The following DSCAML1 variants were observed in gnomAD, a reference collection of about 807,000 sequenced individuals.
DSCAML1 encodes DS cell adhesion molecule like 1, also known as cell adhesion molecule DSCAML1.
Under a neutral mutation model 200.5 loss-of-function variants are expected in DSCAML1, and 38 were observed. That is an observed-to-expected ratio of 0.19 (90% CI 0.15 to 0.25). The LOEUF is 0.25. DSCAML1 is among the 10% of genes least tolerant of loss of function. DSCAML1 has a pLI of 1.00. For missense variants in DSCAML1, 2,223 were observed against 2,858.8 expected (o/e 0.78, Z 5.07); for synonymous variants, 1,215 against 1,165.0 (o/e 1.04, Z -0.87).
At chr11:117,667,198 G>A (rs188337199) in intron 3 of DSCAML1, among the ~76,000 whole-genome samples, 6 of 152,328 alleles carry the variant, frequency 3.9e-5, no homozygotes, top group Admixed American at 3.9e-4. Context: ...GATCACTTGA[G>A]GTCAGGAGTT....
chr11:117,508,327 A>T (rs2049546491), intron 8 of DSCAML1, among the ~76,000 whole-genome samples: 1 of 152,118 alleles, frequency 6.6e-6, no homozygotes, highest in Non-Finnish European at 1.5e-5. Flanking sequence ...CTGTCGGGGT[A>T]ACTGCATTAC....
At chr11:117,451,046 A>G (rs2048272538) in intron 19 of DSCAML1, among the ~76,000 whole-genome samples, 1 of 152,160 alleles carries the variant, frequency 6.6e-6, no homozygotes, top group Admixed American at 6.5e-5. Flanking sequence ...ACTAACTGTA[A>G]GCATGTATTT....
At chr11:117,451,620 T>C (rs2048285285) in intron 19 of DSCAML1, among the ~76,000 whole-genome samples, 1 of 152,076 alleles carries the variant, frequency 6.6e-6, no homozygotes, top group African/African-American at 2.4e-5. Flanking sequence ...GGTCAGGAGT[T>C]TGAGACCAGC....
chr11:117,791,945 G>GGGGC (rs1208770282), intron 1 of DSCAML1, among the ~76,000 whole-genome samples: 1 of 152,196 alleles, frequency 6.6e-6, no homozygotes, highest in Non-Finnish European at 1.5e-5. Context: ...TGGAGAAAGT[G>GGGGC]GGGCTCAGAG....
At position 117,505,083 on chromosome 11, in the gene DSCAML1, T is replaced by A. The variant is rs2049467470; in HGVS notation, c.2063-40A>T. Reference sequence around the variant, plus strand: ...AAGGTAGGGAAACAGACCATTTTAGTCTCTGATGGGTCTCCTAGGGCTTCG... The same window carrying A: ...AAGGTAGGGAAACAGACCATTTTAGACTCTGATGGGTCTCCTAGGGCTTCG... On this transcript the variant is annotated intron_variant, in intron 9 of 32. Coordinates refer to ENST00000651296, the MANE Select transcript of DSCAML1 (RefSeq NM_020693.4). The surrounding 1 kb of genome is among the most constrained non-coding windows in gnomAD (Gnocchi z 6.7). 1 of 1,595,098 alleles carries A rather than the reference T, an allele frequency of 6.3e-7. No homozygotes were observed. The highest frequency in any genetic ancestry group is 1.3e-5 in the African/African-American group (1 of 74,580).
chr11:117,659,654 T>C (rs2052802426), intron 3 of DSCAML1, among the ~76,000 whole-genome samples: 1 of 152,054 alleles, frequency 6.6e-6, no homozygotes, highest in Admixed American at 6.5e-5. Flanking sequence ...CAGGACTGAC[T>C]GCTCTGGGCC....
chr11:117,584,494 C>T (rs1291584581), intron 3 of DSCAML1, among the ~76,000 whole-genome samples: 2 of 152,206 alleles, frequency 1.3e-5, no homozygotes, highest in African/African-American at 4.8e-5. Context: ...ATCCAGAGTC[C>T]TTCAAGGATG....
chr11:117,705,872 T>C (rs1488203237), intron 3 of DSCAML1, among the ~76,000 whole-genome samples: 1 of 152,152 alleles, frequency 6.6e-6, no homozygotes, highest in Non-Finnish European at 1.5e-5. Flanking sequence ...AATTTTCTCA[T>C]TTATAAAATG....
intron 3 of DSCAML1, among the ~76,000 whole-genome samples, chr11:117,690,932 G>T (rs781283595): frequency 2.0e-5 from 3 of 152,130 alleles, no homozygotes; most frequent in Non-Finnish European, 2.9e-5. Flanking sequence ...TGAAGCAAGG[G>T]TTCCACAGCT....
intron 3 of DSCAML1, among the ~76,000 whole-genome samples, chr11:117,623,771 G>A (rs144653945): frequency 6.6e-6 from 1 of 152,244 alleles, no homozygotes; most frequent in African/African-American, 2.4e-5. Context: ...ATAATTTTTG[G>A]TTATTATTGT....
At position 117,768,065 on chromosome 11, in the gene DSCAML1, T is replaced by G. The variant is rs12285243; in HGVS notation, c.511+8726A>C. On this transcript the variant is annotated intron_variant, in intron 3 of 32. Coordinates refer to ENST00000651296, the MANE Select transcript of DSCAML1 (RefSeq NM_020693.4). ...AACGGGGGCTGTTTTGAGGAGCCAG[T>G]GACATCATCTGAAAGCACTTTATAA... 6.7e-3 allele frequency among the ~76,000 whole-genome samples: 1,016 copies of G among 152,246 alleles called. 8 individuals carry two copies. The highest frequency in any genetic ancestry group is 0.019 in the African/African-American group (796 of 41,524).
chr11:117,789,574 A>G (rs1442315810), intron 1 of DSCAML1, among the ~76,000 whole-genome samples: 1 of 152,130 alleles, frequency 6.6e-6, no homozygotes, highest in Non-Finnish European at 1.5e-5. Flanking sequence ...CTGTCAGAAA[A>G]CTAGCCATTG....
chr11:117,678,037 G>C (rs1329475866), intron 3 of DSCAML1, among the ~76,000 whole-genome samples: 13 of 152,234 alleles, frequency 8.5e-5, no homozygotes, highest in Non-Finnish European at 1.6e-4. Context: ...TTGCCTGCAT[G>C]GGGAGCAGTG....
chr11:117,649,039 ATATGTGTGTG>A (rs1239212720), intron 3 of DSCAML1, among the ~76,000 whole-genome samples: 12 of 131,454 alleles, frequency 9.1e-5, no homozygotes, highest in African/African-American at 3.8e-4. Flanking sequence ...CTCTCCATAT[ATATGTGTGTG>A]TGTGTGTGTG....
rs1229109313 is a variant in DSCAML1, at chr11:117,577,459, T to TCCCTCCC, written c.512-44938_512-44937insGGGAGGG. On this transcript the variant is annotated intron_variant, in intron 3 of 32. Coordinates refer to ENST00000651296, the MANE Select transcript of DSCAML1 (RefSeq NM_020693.4). ...TTCTTTCCTTCCTTCCTTCCTTCCTTTCCTTCCTTCCTTCCTTCCTTCCTT... is the reference window on the plus strand; with the variant it reads ...TTCTTTCCTTCCTTCCTTCCTTCCTTCCCTCCCTCCTTCCTTCCTTCCTTCCTTCCTT... Among the ~76,000 whole-genome samples the TCCCTCCC allele has an allele frequency of 4.6e-4, 20 of 43,842 alleles. 1 individual carries two copies. In the South Asian group the frequency reaches 7.9e-3, roughly 17 times the overall value. 28.8% of individuals were successfully genotyped at this position (43,842 alleles called of 152,430 possible). A position where few individuals can be genotyped will look rare whatever the true frequency, so the allele number is the denominator to read the frequency against.
At chr11:117,622,183 T>C (rs370750703) in intron 3 of DSCAML1, among the ~76,000 whole-genome samples, 1 of 152,094 alleles carries the variant, frequency 6.6e-6, no homozygotes, top group Admixed American at 6.5e-5. Context: ...AGCAGATCCA[T>C]ATTTAGCTTT....
chr11:117,577,504 TCCC>T (rs2050963992), intron 3 of DSCAML1, among the ~76,000 whole-genome samples: 2 of 25,998 alleles, frequency 7.7e-5, no homozygotes, highest in African/African-American at 2.3e-4. Context: ...CTTCCTTCCT[TCCC>T]TCCTTCCTTC....
At chr11:117,455,827 G>A (rs1417756842) in intron 19 of DSCAML1, among the ~76,000 whole-genome samples, 1 of 116,232 alleles carries the variant, frequency 8.6e-6, no homozygotes, top group Non-Finnish European at 1.9e-5. Flanking sequence ...GAATGGGAGA[G>A]CCTGGTGGAG....
At chr11:117,778,317 G>A (rs1406859678) in intron 2 of DSCAML1, among the ~76,000 whole-genome samples, 2 of 152,228 alleles carry the variant, frequency 1.3e-5, no homozygotes, top group African/African-American at 4.8e-5. Flanking sequence ...AGGAGAACAA[G>A]GGGAATGGAC....
Sources: allele counts gnomAD v4.1 joint callset (sites outside exome capture counted in the v4.1 genomes callset), GRCh38; gene constraint gnomAD v4.1.1; non-coding constraint Gnocchi (gnomAD v3.1); transcripts MANE v1.5; gene names NCBI Gene and HGNC (gene_info 2026-07-23, HGNC 2026-07-21).